The following EEF1D variants were observed in gnomAD, a reference collection of about 807,000 sequenced individuals.
EEF1D encodes eukaryotic translation elongation factor 1 delta, also known as elongation factor 1-delta.
Under a neutral mutation model 63.9 loss-of-function variants are expected in EEF1D, and 47 were observed. The ratio of observed to expected loss-of-function variants is 0.74; its 90% CI spans 0.58 to 0.94. The LOEUF (loss-of-function observed/expected upper bound fraction) is 0.94. EEF1D is among the 40% of genes least tolerant of loss of function. The pLI, the probability that EEF1D is intolerant of heterozygous loss-of-function variation, is 0.00. For synonymous variants in EEF1D, 412 were observed against 386.1 expected (o/e 1.07, Z -0.79); for missense variants, 907 against 899.0 (o/e 1.01, Z -0.11).
At position 143,586,282 on chromosome 8, in the gene EEF1D, G is replaced by A. The variant is rs779802689; in HGVS notation, c.1224C>T (p.Gly408=). 6 of 1,604,220 alleles carry A rather than the reference G, an allele frequency of 3.7e-6. No individual in the cohort carries two copies. The highest frequency in any genetic ancestry group is 2.2e-5 in the South Asian group (2 of 89,810). The change falls in exon 5 of 10, where the codon GGC becomes GGT. Residue 408 remains glycine (G), a synonymous_variant. Coordinates refer to ENST00000618139, the MANE Select transcript of EEF1D (RefSeq NM_001130053.5). The part of the protein sequence containing the change: ...PVAGASRQEN[G]ASVILRDIAR... ...CAATGTCACGGAGGATCACGCTGGC[G>A]CCGTTCTCCTGCAGACAGTGCAGAA...
rs2130970870 is a variant in EEF1D at position 143,586,172 on chromosome 8, G to C, written c.1287+47C>G. The C allele has an allele frequency of 2.6e-6, 4 of 1,561,982 alleles. No individual in the cohort carries two copies. The Middle Eastern group carries it at 7.0e-4, about 275-fold the overall frequency. The stretch of plus-strand genomic sequence containing the variant: ...AGCATCAGGAAAAATCAGACATGCT[G>C]CTTGGCCGAGCAGGAGCCCGCAGGT... On this transcript the variant is annotated intron_variant, in intron 5 of 9. Coordinates refer to ENST00000618139, the MANE Select transcript of EEF1D (RefSeq NM_001130053.5).
intron 1 of EEF1D, among the ~76,000 whole-genome samples, chr8:143,594,834 C>T (rs932656676): frequency 6.6e-6 from 1 of 152,210 alleles, no homozygotes; most frequent in South Asian, 2.1e-4. Context: ...CCTGAGGAAG[C>T]GGGTCTTTAG....
intron 1 of EEF1D, chr8:143,594,217 G>C (rs892524138): frequency 6.6e-6 from 1 of 152,320 alleles, no homozygotes. Context: ...TCCCTGAGGG[G>C]TAGACAGTGT....
chr8:143,592,748 G>T, intron 1 of EEF1D, 88 bp from the exon 2 acceptor site: 2 of 975,482 alleles, frequency 2.1e-6, no homozygotes, highest in Non-Finnish European at 2.4e-6. Flanking sequence ...AGCCCGGGGC[G>T]GCCGGGGGCC....
In EEF1D at chr8:143,581,055, T is replaced by C; in HGVS notation, c.1487A>G (p.Gln496Arg). 6.2e-7 allele frequency: 1 copy of C among 1,611,540 alleles called. No homozygotes were observed. Among genetic ancestry groups the C allele is most frequent in the Non-Finnish European group, 8.5e-7 (1 of 1,179,890 alleles). The change falls in exon 7 of 10, where the codon CAG becomes CGG. Residue 496 changes from glutamine (Q) to arginine (R), a missense_variant and splice_region_variant. Physicochemically the swap from Gln to Arg is conservative, Grantham distance 43. Coordinates refer to ENST00000618139, the MANE Select transcript of EEF1D (RefSeq NM_001130053.5). ...GTCAGGCGTGGGGAGAGCATTCACC[T>C]GGGTCTGTGGGGCCGTGGCCCGGTG... Reference protein sequence around the residue: ...PGHRATAPQTQHVSPMRQVEP... With the variant: ...PGHRATAPQTRHVSPMRQVEP...
chr8:143,581,218 C>T lies in EEF1D; in HGVS notation c.1387+11G>A, dbSNP rs534173851. 7.4e-6 allele frequency: 12 copies of T among 1,612,762 alleles called. No homozygotes were observed. The highest frequency in any genetic ancestry group is 3.3e-4 in the Middle Eastern group (2 of 6,006). ...CAGGGACAGCCCCAACCCACTGGCC[C>T]GGGGCCTCACCGCCACGCAGACTCT... is the stretch of plus-strand genomic sequence containing the variant. On this transcript the variant is annotated intron_variant, in intron 6 of 9. Coordinates refer to ENST00000618139, the MANE Select transcript of EEF1D (RefSeq NM_001130053.5).
At position 143,579,925 on chromosome 8, in the gene EEF1D, G is replaced by A. The variant is rs369174246; in HGVS notation, c.1905+87C>T. 1.2e-5 allele frequency: 19 copies of A among 1,547,300 alleles called. No homozygotes were observed. In the East Asian group the frequency reaches 1.4e-4, roughly 11 times the overall value. ...TGAGGTGGGGTTCACTCTGGGACTC[G>A]CTCCCCACTGCCGTGGGGTGGAGTG... On this transcript the variant is annotated intron_variant, in intron 9 of 9. Coordinates refer to ENST00000618139, the MANE Select transcript of EEF1D (RefSeq NM_001130053.5).
intron 8 of EEF1D, 144 bp from the exon 9 acceptor site, chr8:143,580,350 T>C: frequency 8.1e-7 from 1 of 1,233,334 alleles, no homozygotes; most frequent in Non-Finnish European, 1.1e-6. Context: ...AATTCACACC[T>C]TCCTGCCTCC....
intron 3 of EEF1D, 21 bp downstream of exon 3, chr8:143,588,970 C>T: frequency 1.3e-6 from 2 of 1,587,578 alleles, no homozygotes. Flanking sequence ...GCTGGGTGCC[C>T]ACCCAGCACG....
chr8:143,579,991 C>G, intron 9 of EEF1D, 21 bp downstream of exon 9: 1 of 1,608,846 alleles, frequency 6.2e-7, no homozygotes, highest in Non-Finnish European at 8.5e-7. Context: ...CTCCCCTCCT[C>G]TCCCCGGCCG....
Position 143,580,075 on chromosome 8 carries a change from C to T in EEF1D, c.1842G>A (p.Val614=). 2 of 1,614,050 alleles carry T rather than the reference C, an allele frequency of 1.2e-6. No homozygotes were observed. Among genetic ancestry groups the T allele is most frequent in the Non-Finnish European group, 1.7e-6 (2 of 1,180,016 alleles). The change falls in exon 9 of 10, where the codon GTG becomes GTA. Residue 614 remains valine, a synonymous_variant. Coordinates refer to ENST00000618139, the MANE Select transcript of EEF1D (RefSeq NM_001130053.5). ...CTGTCCCCACCTTGTCGTCCTCCAC[C>T]ACACACTGAATCTGTAGCTTCCGGA... ...YGIRKLQIQC[V]VEDDKVGTDL... is the part of the protein sequence containing the mutation.
Position 143,597,363 on chromosome 8 carries a change from G to C in EEF1D, c.-30C>G, listed in dbSNP as rs763360386. 1 of 152,134 alleles carries C rather than the reference G, an allele frequency of 6.6e-6. No homozygotes were observed. The highest frequency in any genetic ancestry group is 2.1e-4 in the South Asian group (1 of 4,832). 9.4% of individuals were successfully genotyped at this position (152,134 alleles called of 1,614,324 possible). On this transcript the variant is annotated 5_prime_UTR_variant, in exon 1 of 10. Transcript: ENST00000618139. ...CGGTACTCACACGCCAGCCAAGGACGCGGCGACCAAGGAGGAGGAATCGGC... is the reference window on the plus strand; with the variant it reads ...CGGTACTCACACGCCAGCCAAGGACCCGGCGACCAAGGAGGAGGAATCGGC...
rs766428831 is a variant in EEF1D, at chr8:143,580,517, C to T, written c.1699G>A (p.Asp567Asn). Residue 567 changes from aspartate (D) to asparagine (N), a missense_variant, in exon 8 of 10, where the codon GAT (aspartate) becomes AAT (asparagine). Coordinates refer to ENST00000618139, the MANE Select transcript of EEF1D (RefSeq NM_001130053.5). ...ALVAKSSILL[D>N]VKPWDDETDM... ...CCCCGCCCACTCACAGGCTTGACAT[C>T]CAGCAGGATGGAGGACTTGGCCACC... The T allele has an allele frequency of 1.9e-5, 31 of 1,612,142 alleles. No homozygotes were observed. The highest frequency in any genetic ancestry group is 2.6e-5 in the Non-Finnish European group (31 of 1,179,532).
At chr8:143,588,741 T>C (rs1309947436) in intron 3 of EEF1D, 1 of 566,338 alleles carries the variant, frequency 1.8e-6, no homozygotes, top group Admixed American at 3.4e-5. Flanking sequence ...TTCTGCCCTG[T>C]GCTGAGCCCT....
chr8:143,595,550 A>G (rs1828654339), intron 1 of EEF1D, among the ~76,000 whole-genome samples: 2 of 151,784 alleles, frequency 1.3e-5, no homozygotes, highest in Admixed American at 6.6e-5. Flanking sequence ...CCACATTCCC[A>G]CTCAGCCACT....
At chr8:143,580,394 G>T in intron 8 of EEF1D, 112 bp downstream of exon 8, 2 of 1,369,848 alleles carry the variant, frequency 1.5e-6, no homozygotes, top group Non-Finnish European at 2.0e-6. Context: ...TCTAAACTCG[G>T]CTTTAAAGTC....
intron 1 of EEF1D, among the ~76,000 whole-genome samples, chr8:143,595,799 A>C (rs1013455219): frequency 2.0e-5 from 3 of 152,236 alleles, no homozygotes; most frequent in African/African-American, 7.2e-5. Context: ...CCAGCACGGC[A>C]CAGGCTTTCT....
intron 7 of EEF1D, 33 bp downstream of exon 7, chr8:143,581,021 C>G (rs763578656): frequency 2.5e-6 from 4 of 1,603,736 alleles, no homozygotes; most frequent in Non-Finnish European, 3.4e-6. Context: ...CCACGTGGTC[C>G]CCTGCAGTGT....
intron 3 of EEF1D, among the ~76,000 whole-genome samples, chr8:143,588,037 G>A (rs1038245163): frequency 1.3e-5 from 2 of 152,316 alleles, no homozygotes; most frequent in Non-Finnish European, 2.9e-5. Context: ...GTCTGTGAGC[G>A]TCCTCTGCGT....
Sources: gnomAD v4.1 joint callset for allele counts (sites outside exome capture counted in the v4.1 genomes callset) on GRCh38, gnomAD v4.1.1 for gene constraint, MANE v1.5 for transcripts, NCBI Gene and HGNC (gene_info 2026-07-23, HGNC 2026-07-21) for gene names.